Variants in CSMD1 observed in about 807,000 individuals in gnomAD.
The protein encoded by CSMD1 is CUB and sushi domain-containing protein 1.
A neutral mutation model predicts 417.5 loss-of-function variants in CSMD1; 213 were observed. The ratio of observed to expected loss-of-function variants is 0.51; its 90% confidence interval spans 0.46 to 0.57. CSMD1 has a LOEUF of 0.57. CSMD1 is among the 20% of genes least tolerant of loss of function. The pLI is 0.00. For synonymous variants in CSMD1, 2,862 were observed against 1,736.8 expected (o/e 1.65, Z -16.11); for missense variants, 6,923 against 4,529.7 (o/e 1.53, Z -15.17).
intron 2 of CSMD1, among the ~76,000 whole-genome samples, chr8:4,455,145 A>G (rs574963514): frequency 2.6e-5 from 4 of 152,216 alleles, no homozygotes; most frequent in African/African-American, 7.2e-5. Context: ...GATTTGGACA[A>G]CAGCCAAAAG....
At chr8:3,516,520 C>G (rs556877080) in intron 10 of CSMD1, among the ~76,000 whole-genome samples, 3 of 152,204 alleles carry the variant, frequency 2.0e-5, no homozygotes, top group African/African-American at 7.2e-5. Flanking sequence ...TCTCATTACA[C>G]CTTTGTGAGA....
At position 4,436,586 on chromosome 8, in the gene CSMD1, A is replaced by G. The variant is rs566071071; in HGVS notation, c.303-16521T>C. On this transcript the variant is annotated intron_variant, in intron 2 of 69. Coordinates refer to ENST00000635120, the MANE Select transcript of CSMD1 (RefSeq NM_033225.6). ...AAAATTGACAGTTACTGTTGATTATATCCATCCTGCTGTGCAAGCAAATAG... is the reference window on the plus strand; with the variant it reads ...AAAATTGACAGTTACTGTTGATTATGTCCATCCTGCTGTGCAAGCAAATAG... Among the ~76,000 whole-genome samples, 12 of 152,242 alleles carry G rather than the reference A, an allele frequency of 7.9e-5. No homozygotes were observed. The South Asian group carries it at 2.5e-3, about 32-fold the overall frequency.
In CSMD1 at chr8:3,865,504, A is replaced by C. The variant is rs79209367; in HGVS notation, c.819-111462T>G. On this transcript the variant is annotated intron_variant, in intron 5 of 69. Transcript: ENST00000635120. Reference sequence around the variant, plus strand: ...CTCTGGGAAATCAGAAAAGGGTGACAATAGTGGGGGAAAGAGTTGGGGGTG... The same window carrying C: ...CTCTGGGAAATCAGAAAAGGGTGACCATAGTGGGGGAAAGAGTTGGGGGTG... 6.3e-3 allele frequency among the ~76,000 whole-genome samples: 959 copies of C among 152,054 alleles called. 9 individuals are homozygous for C. Among genetic ancestry groups the C allele is most frequent in the African/African-American group, 0.022 (914 of 41,472 alleles).
At chr8:3,862,127 C>T (rs936603626) in intron 5 of CSMD1, among the ~76,000 whole-genome samples, 2 of 152,056 alleles carry the variant, frequency 1.3e-5, no homozygotes, top group Non-Finnish European at 2.9e-5. Context: ...TTTTAATCTG[C>T]CCTGCTGTGA....
chr8:4,886,728 G>C (rs546366963), intron 1 of CSMD1, among the ~76,000 whole-genome samples: 1 of 151,582 alleles, frequency 6.6e-6, no homozygotes, highest in Non-Finnish European at 1.5e-5. Context: ...TTTGGTACTC[G>C]GTGTCTTCTT....
At chr8:3,954,386 G>T (rs926521767) in intron 5 of CSMD1, among the ~76,000 whole-genome samples, 3 of 152,008 alleles carry the variant, frequency 2.0e-5, no homozygotes, top group Non-Finnish European at 2.9e-5. Flanking sequence ...TTTTTGAGAC[G>T]GAGTCTCGCT....
chr8:4,851,788 C>A (rs1030967545), intron 1 of CSMD1, among the ~76,000 whole-genome samples: 4 of 152,084 alleles, frequency 2.6e-5, no homozygotes, highest in African/African-American at 9.7e-5. Flanking sequence ...TTTAAGTCAC[C>A]CTCCCCTTTA....
intron 21 of CSMD1, among the ~76,000 whole-genome samples, chr8:3,350,648 TA>T (rs575928815): frequency 2.0e-5 from 3 of 152,226 alleles, no homozygotes; most frequent in Non-Finnish European, 4.4e-5. Context: ...ACTTTTATTC[TA>T]AATAGGTCAC....
At position 3,273,789 on chromosome 8, in the gene CSMD1, C is replaced by G. The variant is rs995949068; in HGVS notation, c.4153+10355G>C. Among the ~76,000 whole-genome samples the G allele has an allele frequency of 5.3e-4, 73 of 138,058 alleles. 1 individual carries two copies. The highest frequency in any genetic ancestry group is 1.7e-4 in the Non-Finnish European group (11 of 63,780). 90.6% of individuals were successfully genotyped at this position (138,058 alleles called of 152,430 possible). ...GGATTGGTGGTGATATCCCCTTTAT[C>G]ATTTTTATTGTATCTATTTGATTCC... is the stretch of plus-strand genomic sequence containing the variant. On this transcript the variant is annotated intron_variant, in intron 26 of 69. Transcript: ENST00000635120.
intron 46 of CSMD1, among the ~76,000 whole-genome samples, chr8:3,104,812 A>G (rs1816015588): frequency 6.6e-6 from 1 of 151,714 alleles, no homozygotes; most frequent in South Asian, 2.1e-4. Context: ...GGTTCAAGCA[A>G]TTCTCCTGAC....
rs61531126 is a variant in CSMD1, at chr8:4,077,295, G to A, written c.416-45196C>T. On this transcript the variant is annotated intron_variant, in intron 3 of 69. Transcript: ENST00000635120. ...ATTTGTCACCTATATATATATATAT[G>A]TGTATATATATATATATATATATAT... 6.5e-3 allele frequency among the ~76,000 whole-genome samples: 574 copies of A among 88,856 alleles called. 10 individuals are homozygous for A. Among genetic ancestry groups the A allele is most frequent in the Admixed American group, 9.4e-3 (88 of 9,372 alleles). The allele number at this position is 88,856 out of a possible 152,430, so 58.3% of individuals were successfully genotyped here.
rs647550 is a variant in CSMD1, at chr8:3,023,351, G to C, written c.7856-4701C>G. On this transcript the variant is annotated intron_variant, in intron 51 of 69. Transcript: ENST00000635120. ...TGCAAAAATTATTTTTTCTGGTTCAGGGATTTCTGTGATAAATGTTTTTCT... is the reference window on the plus strand; with the variant it reads ...TGCAAAAATTATTTTTTCTGGTTCACGGATTTCTGTGATAAATGTTTTTCT... 9.5e-3 allele frequency among the ~76,000 whole-genome samples: 1,440 copies of C among 152,242 alleles called. 15 individuals carry two copies. The highest frequency in any genetic ancestry group is 0.033 in the African/African-American group (1,388 of 41,540).
chr8:3,317,729 T>C (rs1457900161), intron 23 of CSMD1, among the ~76,000 whole-genome samples: 1 of 152,240 alleles, frequency 6.6e-6, no homozygotes, highest in Non-Finnish European at 1.5e-5. Flanking sequence ...TCATGCCTTG[T>C]ACACATTTTA....
At chr8:4,201,271 G>A (rs1016278029) in intron 3 of CSMD1, among the ~76,000 whole-genome samples, 1 of 152,186 alleles carries the variant, frequency 6.6e-6, no homozygotes, top group African/African-American at 2.4e-5. Context: ...GGGCGCAGTG[G>A]CTCACGCCTG....
intron 5 of CSMD1, among the ~76,000 whole-genome samples, chr8:3,864,647 T>C (rs1804958027): frequency 6.6e-6 from 1 of 151,986 alleles, no homozygotes; most frequent in Non-Finnish European, 1.5e-5. Context: ...GGCCCCGGTG[T>C]GTGATGTTCC....
intron 7 of CSMD1, among the ~76,000 whole-genome samples, chr8:3,684,955 T>A (rs1293684471): frequency 1.3e-5 from 2 of 152,150 alleles, no homozygotes; most frequent in Non-Finnish European, 2.9e-5. Flanking sequence ...AAACTGCCTT[T>A]GGAATAACCT....
At chr8:3,352,384 A>G (rs1470816789) in intron 21 of CSMD1, among the ~76,000 whole-genome samples, 1 of 152,232 alleles carries the variant, frequency 6.6e-6, no homozygotes, top group African/African-American at 2.4e-5. Context: ...GACTTGTGAC[A>G]CAAATTCTAG....
chr8:4,033,414 C>A (rs1585172672), intron 3 of CSMD1, among the ~76,000 whole-genome samples: 1 of 152,242 alleles, frequency 6.6e-6, no homozygotes, highest in African/African-American at 2.4e-5. Context: ...TGCACTCCAG[C>A]GTGGGTGACA....
chr8:3,770,068 T>C (rs1481104393), intron 5 of CSMD1, among the ~76,000 whole-genome samples: 2 of 152,164 alleles, frequency 1.3e-5, no homozygotes. Context: ...AAGGCTTGCG[T>C]CTCTATTTCC....
Sources: gnomAD v4.1 joint callset for allele counts (sites outside exome capture counted in the v4.1 genomes callset) on GRCh38, gnomAD v4.1.1 for gene constraint, MANE v1.5 for transcripts, NCBI Gene and HGNC (gene_info 2026-07-23, HGNC 2026-07-21) for gene names.